The following COX7A2 variants were observed in gnomAD, a reference collection of about 807,000 sequenced individuals.
COX7A2 encodes cytochrome c oxidase subunit 7A2.
A neutral mutation model predicts 11.6 loss-of-function variants in COX7A2; 11 were observed. That is an observed-to-expected ratio of 0.95 (90% CI 0.60 to 1.57). The LOEUF is 1.57. COX7A2 is among the 40% of genes most tolerant of loss of function. COX7A2 has a pLI of 0.00. For missense variants in COX7A2, 106 were observed against 100.9 expected, an observed-to-expected ratio of 1.05 and a Z score of -0.22; for synonymous variants, 30 against 38.2, an observed-to-expected ratio of 0.78 and a Z score of 0.79.
At chr6:75,239,266 C>G (rs1400256980) in intron 3 of COX7A2, among the ~76,000 whole-genome samples, 4 of 152,188 alleles carry the variant, frequency 2.6e-5, no homozygotes, top group Non-Finnish European at 5.9e-5. Flanking sequence ...CCTGTGGAAT[C>G]TGATGCTATC....
At chr6:75,247,687 CTGA>C (rs994149550), upstream of COX7A2, among the ~76,000 whole-genome samples, 6 of 150,920 alleles carry the variant, frequency 4.0e-5, no homozygotes, top group Non-Finnish European at 7.4e-5. Context: ...GGACTAATCT[CTGA>C]TTTTTTTTTT....
chr6:75,242,871 C>CA (rs1305117584), intron 1 of COX7A2, among the ~76,000 whole-genome samples: 3 of 151,702 alleles, frequency 2.0e-5, no homozygotes, highest in Admixed American at 6.6e-5. Flanking sequence ...AAAACAACAA[C>CA]AACAAAAAAA....
At chr6:75,246,651 TTAAA>T (rs1364279312), upstream of COX7A2, among the ~76,000 whole-genome samples, 1 of 152,230 alleles carries the variant, frequency 6.6e-6, no homozygotes, top group African/African-American at 2.4e-5. Context: ...TATACATTGG[TTAAA>T]TGAATGAACT....
chr6:75,240,412 C>CA, intron 2 of COX7A2, 27 bp from the exon 3 acceptor site: 1 of 1,081,628 alleles, frequency 9.2e-7, no homozygotes, highest in South Asian at 1.5e-5. Context: ...AAAAAAAAGA[C>CA]AATAATAAAT....
intron 2 of COX7A2, 153 bp from the exon 3 acceptor site, chr6:75,240,538 CT>C (rs1393538767): frequency 5.3e-6 from 3 of 564,324 alleles, no homozygotes; most frequent in African/African-American, 1.9e-5. Flanking sequence ...CTACAATTTT[CT>C]TTATTCCGTC....
At chr6:75,242,899 CAAAT>C (rs1253375705) in intron 1 of COX7A2, among the ~76,000 whole-genome samples, 2 of 152,086 alleles carry the variant, frequency 1.3e-5, no homozygotes, top group Non-Finnish European at 2.9e-5. Flanking sequence ...TACTTGACAG[CAAAT>C]AGACTGGCAT....
chr6:75,243,843 A>ATTT (rs767291164), upstream of COX7A2: 1 of 1,612,242 alleles, frequency 6.2e-7, no homozygotes, highest in African/African-American at 1.3e-5. Context: ...ACGAACTTAA[A>ATTT]TCTTTCCGGG....
rs201500909 is a variant in COX7A2, at chr6:75,243,747, T to C, written c.-13A>G. ...GATTCCGCAGCATCTTGGCTGTTAC[T>C]GACCAGCAACCGCCACAACTGAACA... On this transcript the variant is annotated 5_prime_UTR_variant, in exon 1 of 4. Coordinates refer to ENST00000684430, the MANE Select transcript of COX7A2 (RefSeq NM_001366293.2). 494 of 1,613,938 alleles carry C rather than the reference T, an allele frequency of 3.1e-4. 3 individuals carry two copies. The Middle Eastern group carries it at 7.3e-3, about 24-fold the overall frequency.
chr6:75,244,077 A>G (rs1027771424), upstream of COX7A2: 5 of 347,472 alleles, frequency 1.4e-5, no homozygotes, highest in African/African-American at 8.4e-5. Flanking sequence ...AGACCAGGCT[A>G]TCAAAGAAAA....
chr6:75,243,775 A>G lies in COX7A2; in HGVS notation c.-41T>C. The G allele has an allele frequency of 6.2e-7, 1 of 1,614,024 alleles. No individual in the cohort carries two copies. The highest frequency in any genetic ancestry group is 8.5e-7 in the Non-Finnish European group (1 of 1,179,968). ...CCAGCAACCGCCACAACTGAACACC[A>G]CCAACGAAAATGGCCACGCCGGAAC... On this transcript the variant is annotated 5_prime_UTR_variant, in exon 1 of 4. Transcript: ENST00000684430.
At chr6:75,243,966 G>A (rs1294637105), upstream of COX7A2, 12 of 726,556 alleles carry the variant, frequency 1.7e-5, 1 homozygote, top group Middle Eastern at 1.3e-3. Flanking sequence ...TCTCGTTCCT[G>A]ACCTTTTCGA....
At chr6:75,243,566 A>T (rs1255023473) in intron 1 of COX7A2, 151 bp downstream of exon 1, 1 of 702,478 alleles carries the variant, frequency 1.4e-6, no homozygotes, top group African/African-American at 1.8e-5. Context: ...GACGGAAGGG[A>T]AAGTAAGGTC....
At chr6:75,241,669 G>A (rs181885803) in intron 1 of COX7A2, among the ~76,000 whole-genome samples, 1 of 152,270 alleles carries the variant, frequency 6.6e-6, no homozygotes, top group Non-Finnish European at 1.5e-5. Context: ...AAACCTGCCA[G>A]GCGCGGTGGC....
At position 75,240,294 on chromosome 6, in the gene COX7A2, G is replaced by A. The variant is rs1771453933; in HGVS notation, c.193+7C>T. 1 of 1,597,218 alleles carries A rather than the reference G, an allele frequency of 6.3e-7. No individual in the cohort carries two copies. Among genetic ancestry groups the A allele is most frequent in the Middle Eastern group, 1.7e-4 (1 of 6,024 alleles). ...CTATAAACCTTCAAACATTCCAAAG[G>A]CCTTACCACCAACTGTAAGAATCAT... is the stretch of plus-strand genomic sequence containing the variant. On this transcript the variant is annotated splice_region_variant and intron_variant, in intron 3 of 3. Transcript: ENST00000684430.
intron 3 of COX7A2, among the ~76,000 whole-genome samples, chr6:75,238,774 TAAGA>T (rs1771398261): frequency 1.3e-5 from 2 of 149,962 alleles, no homozygotes; most frequent in South Asian, 2.1e-4. Flanking sequence ...CCAGAATGTC[TAAGA>T]AATGTCACAT....
At chr6:75,244,266 T>C (rs990295073), upstream of COX7A2, among the ~76,000 whole-genome samples, 2 of 152,222 alleles carry the variant, frequency 1.3e-5, no homozygotes, top group Admixed American at 1.3e-4. Context: ...TGCGGCACAT[T>C]ACTGTTCCTT....
At chr6:75,246,476 C>A (rs1184238210), upstream of COX7A2, among the ~76,000 whole-genome samples, 1 of 152,154 alleles carries the variant, frequency 6.6e-6, no homozygotes, top group African/African-American at 2.4e-5. Flanking sequence ...ATGTCAAAAG[C>A]CTTTTTAACG....
Position 75,243,697 on chromosome 6 carries a change from C to A in COX7A2, c.18+20G>T. On this transcript the variant is annotated intron_variant, in intron 1 of 3. Coordinates refer to ENST00000684430, the MANE Select transcript of COX7A2 (RefSeq NM_001366293.2). The stretch of plus-strand genomic sequence containing the variant: ...CACTCCCTCGCCCCCATCATGAATG[C>A]AAGATGAGAAGCTCCTCACCAGCAG... 6.2e-7 allele frequency: 1 copy of A among 1,610,694 alleles called. No individual in the cohort carries two copies. Among genetic ancestry groups the A allele is most frequent in the African/African-American group, 1.3e-5 (1 of 74,950 alleles).
chr6:75,240,390 AT>A lies in COX7A2; in HGVS notation c.109-6del, dbSNP rs748530769. The A allele has an allele frequency of 1.7e-5, 22 of 1,283,504 alleles. No individual in the cohort carries two copies. The highest frequency in any genetic ancestry group is 6.0e-5 in the Admixed American group (2 of 33,144). The allele number at this position is 1,283,504 out of a possible 1,614,324, so 79.5% of individuals were successfully genotyped here. ...CAGTGGAATTTCATCATCCTCCTAG[AT>A]TTAAAAAAAAAAAAAAAAGACAATA... On this transcript the variant is annotated splice_polypyrimidine_tract_variant and splice_region_variant and intron_variant, in intron 2 of 3. Transcript: ENST00000684430.
Sources: gnomAD v4.1 joint callset for allele counts (sites outside exome capture counted in the v4.1 genomes callset) on GRCh38, gnomAD v4.1.1 for gene constraint, MANE v1.5 for transcripts, NCBI Gene and HGNC (gene_info 2026-07-23, HGNC 2026-07-21) for gene names.